WWTR1: variants seen among roughly 807,000 people sequenced by gnomAD.
WWTR1 encodes the protein WW domain containing transcription regulator 1.
Under a neutral mutation model 40.1 loss-of-function variants are expected in WWTR1, and 13 were observed. That is an observed-to-expected ratio of 0.32 (90% CI 0.21 to 0.52). The LOEUF (loss-of-function observed/expected upper bound fraction) is 0.52, where lower values mean the gene tolerates loss of function less well. Ranked by LOEUF, WWTR1 falls within the 20% of genes least tolerant of loss-of-function variation. The pLI is 0.97. For synonymous variants in WWTR1, 230 were observed against 210.1 expected (o/e 1.09, Z -0.82); for missense variants, 436 against 523.1 (o/e 0.83, Z 1.63).
At chr3:149,632,473 A>G (rs765927810) in intron 2 of WWTR1, among the ~76,000 whole-genome samples, 2 of 152,218 alleles carry the variant, frequency 1.3e-5, no homozygotes. Context: ...GCTCTCTGAC[A>G]TTGATGACCA....
chr3:149,549,402 G>A (rs1736513616), intron 3 of WWTR1, among the ~76,000 whole-genome samples: 1 of 152,110 alleles, frequency 6.6e-6, no homozygotes, highest in Non-Finnish European at 1.5e-5. Flanking sequence ...CTACCTAAGA[G>A]AAAAATATCA....
chr3:149,525,902 T>TA, intron 6 of WWTR1, 111 bp downstream of exon 6: 1 of 652,210 alleles, frequency 1.5e-6, no homozygotes. Flanking sequence ...AAATATAAAA[T>TA]AAAAGTTGAA....
chr3:149,669,755 A>T (rs1179767051), intron 2 of WWTR1: 2 of 94,332 alleles, frequency 2.1e-5, no homozygotes, highest in Non-Finnish European at 4.7e-5. Flanking sequence ...ACTACCAATC[A>T]AGAAAAAAAA....
intron 4 of WWTR1, among the ~76,000 whole-genome samples, chr3:149,718,317 T>C (rs374522609): frequency 2.0e-5 from 3 of 152,266 alleles, no homozygotes; most frequent in South Asian, 4.2e-4. Flanking sequence ...AGGAAACAGA[T>C]AGTAGAAAGC....
upstream of WWTR1, among the ~76,000 whole-genome samples, chr3:149,707,976 G>A (rs1715373072): frequency 6.7e-6 from 1 of 149,378 alleles, no homozygotes; most frequent in Non-Finnish European, 1.5e-5. Flanking sequence ...TATGGTAATG[G>A]TCCTCTGCCT....
At chr3:149,559,105 C>T (rs865966698) in intron 3 of WWTR1, among the ~76,000 whole-genome samples, 1 of 151,916 alleles carries the variant, frequency 6.6e-6, no homozygotes, top group South Asian at 2.1e-4. Flanking sequence ...ACCAGCCTGG[C>T]CAACATGGGG....
chr3:149,627,356 T>C (rs1484047368), intron 2 of WWTR1, among the ~76,000 whole-genome samples: 1 of 152,164 alleles, frequency 6.6e-6, no homozygotes, highest in African/African-American at 2.4e-5. Context: ...TGTGGGGTAA[T>C]CAACCCTGAA....
At chr3:149,571,214 C>CTTTTTTTTTTTTTT (rs10535515) in intron 3 of WWTR1, among the ~76,000 whole-genome samples, 4 of 101,276 alleles carry the variant, frequency 3.9e-5, no homozygotes, top group African/African-American at 7.8e-5. Flanking sequence ...TTTTTCTTTT[C>CTTTTTTTTTTTTTT]TTTTTTTTTT....
At chr3:149,625,026 C>T (rs1283180533) in intron 2 of WWTR1, among the ~76,000 whole-genome samples, 2 of 151,238 alleles carry the variant, frequency 1.3e-5, no homozygotes, top group Non-Finnish European at 2.9e-5. Flanking sequence ...CCACCATGCC[C>T]GTACCATTCT....
intron 2 of WWTR1, among the ~76,000 whole-genome samples, chr3:149,596,093 T>C (rs573000540): frequency 6.6e-6 from 1 of 152,258 alleles, no homozygotes; most frequent in South Asian, 2.1e-4. Flanking sequence ...TGGTATTGTC[T>C]TGGGAGACAT....
chr3:149,652,720 A>C (rs1400361577), intron 2 of WWTR1, among the ~76,000 whole-genome samples: 2 of 150,926 alleles, frequency 1.3e-5, no homozygotes, highest in Non-Finnish European at 3.0e-5. Flanking sequence ...TATTATAAAC[A>C]TCAAACCTGG....
chr3:149,609,032 G>A (rs979631337), intron 2 of WWTR1, among the ~76,000 whole-genome samples: 3 of 152,142 alleles, frequency 2.0e-5, no homozygotes, highest in African/African-American at 7.2e-5. Context: ...TCACACCATT[G>A]CCCTCCTGCC....
intron 2 of WWTR1, 31 bp downstream of exon 2, chr3:149,656,845 T>C: frequency 6.7e-7 from 1 of 1,498,198 alleles, no homozygotes; most frequent in Non-Finnish European, 8.8e-7. Context: ...CACTGTGACT[T>C]GGTGCCTTCT....
intron 2 of WWTR1, among the ~76,000 whole-genome samples, chr3:149,652,125 G>C (rs893192285): frequency 9.9e-5 from 15 of 151,064 alleles, no homozygotes; most frequent in African/African-American, 3.7e-4. Context: ...TTACAGGCAT[G>C]AGCCACTGCG....
chr3:149,608,317 G>T (rs1011735876), intron 2 of WWTR1, among the ~76,000 whole-genome samples: 6 of 151,576 alleles, frequency 4.0e-5, no homozygotes, highest in Non-Finnish European at 8.8e-5. Flanking sequence ...ACACAAATGT[G>T]CACACACACA....
chr3:149,568,107 T>C (rs114897558), intron 3 of WWTR1, among the ~76,000 whole-genome samples: 2,849 of 152,224 alleles, frequency 0.019, 100 homozygotes, highest in African/African-American at 0.065. Context: ...AACTTCTGGC[T>C]GGGTGCAGTG....
At chr3:149,620,122 T>C (rs1379396992) in intron 2 of WWTR1, among the ~76,000 whole-genome samples, 1 of 152,232 alleles carries the variant, frequency 6.6e-6, no homozygotes, top group Admixed American at 6.5e-5. Context: ...TGTTTTCGTA[T>C]CATCTCAGTT....
In WWTR1 at chr3:149,517,696, T is replaced by C. The variant is rs1413734381; in HGVS notation, c.*3109A>G. On this transcript the variant is annotated 3_prime_UTR_variant, in exon 7 of 7. Transcript: ENST00000360632. ...TTTTACCTGTTTCCTGTATATGGTG[T>C]AATCAGTGAAAGAAATGGCATTTCA... The C allele has an allele frequency of 2.0e-5, 3 of 152,204 alleles. No individual in the cohort carries two copies. Among genetic ancestry groups the C allele is most frequent in the African/African-American group, 7.2e-5 (3 of 41,456 alleles). The allele number at this position is 152,204 out of a possible 1,614,324, so 9.4% of individuals were successfully genotyped here. A position where few individuals can be genotyped will look rare whatever the true frequency, so the allele number is the denominator to read the frequency against.
intron 2 of WWTR1, among the ~76,000 whole-genome samples, chr3:149,631,275 T>C (rs919439842): frequency 1.3e-5 from 2 of 152,242 alleles, no homozygotes; most frequent in Non-Finnish European, 2.9e-5. Flanking sequence ...TAAGAGTTTA[T>C]GTTTCTAAAA....
Sources: gnomAD v4.1 joint callset for allele counts (sites outside exome capture counted in the v4.1 genomes callset) on GRCh38, gnomAD v4.1.1 for gene constraint, MANE v1.5 for transcripts, NCBI Gene and HGNC (gene_info 2026-07-23, HGNC 2026-07-21) for gene names.